NRG3: variants seen among roughly 807,000 people sequenced by gnomAD.
The protein encoded by NRG3 is pro-neuregulin-3, membrane-bound isoform.
A neutral mutation model predicts 66.9 loss-of-function variants in NRG3; 31 were observed. The ratio of observed to expected loss-of-function variants is 0.46; its 90% CI spans 0.35 to 0.63. The LOEUF (loss-of-function observed/expected upper bound fraction) is 0.63. Ranked by LOEUF, NRG3 falls within the 20% of genes least tolerant of loss-of-function variation. NRG3 has a pLI of 0.00. For synonymous variants in NRG3, 393 were observed against 359.4 expected, an observed-to-expected ratio of 1.09 and a Z score of -1.06; for missense variants, 910 against 878.9, an observed-to-expected ratio of 1.04 and a Z score of -0.45.
intron 2 of NRG3, among the ~76,000 whole-genome samples, chr10:82,389,544 GCTATT>G (rs2086218173): frequency 6.6e-6 from 1 of 152,120 alleles, no homozygotes; most frequent in African/African-American, 2.4e-5. Flanking sequence ...CGGCCAGCTA[GCTATT>G]CTTAACAGGA....
chr10:82,421,480 TA>T (rs2089068430), intron 2 of NRG3, among the ~76,000 whole-genome samples: 1 of 152,008 alleles, frequency 6.6e-6, no homozygotes, highest in Non-Finnish European at 1.5e-5. Flanking sequence ...GAAAAATTAT[TA>T]AAGACTTTGC....
At chr10:82,146,937 C>T (rs1022013945) in intron 1 of NRG3, among the ~76,000 whole-genome samples, 2 of 152,084 alleles carry the variant, frequency 1.3e-5, no homozygotes, top group African/African-American at 4.8e-5. Context: ...GTCCAGCCAG[C>T]TATAAAAGGA....
At chr10:82,591,307 T>A (rs1163378397) in intron 2 of NRG3, among the ~76,000 whole-genome samples, 1 of 152,224 alleles carries the variant, frequency 6.6e-6, no homozygotes, top group Non-Finnish European at 1.5e-5. Context: ...AAATTGATAT[T>A]TTCATGAATG....
intron 1 of NRG3, among the ~76,000 whole-genome samples, chr10:82,067,806 C>G (rs2064572283): frequency 2.0e-5 from 3 of 152,300 alleles, no homozygotes; most frequent in South Asian, 4.1e-4. Flanking sequence ...TCTTAATGCT[C>G]TCAAAGCAAT....
chr10:82,845,362 T>C (rs2063260380), intron 3 of NRG3, among the ~76,000 whole-genome samples: 1 of 152,216 alleles, frequency 6.6e-6, no homozygotes. Flanking sequence ...ATGTTATCCC[T>C]ACTCAATAAG....
At chr10:82,360,891 T>G (rs996270181) in intron 2 of NRG3, among the ~76,000 whole-genome samples, 1 of 152,200 alleles carries the variant, frequency 6.6e-6, no homozygotes, top group Non-Finnish European at 1.5e-5. Context: ...CAAGGAGATG[T>G]ATCTTCTCAT....
At chr10:82,851,502 G>A (rs1186418719) in intron 3 of NRG3, among the ~76,000 whole-genome samples, 1 of 152,136 alleles carries the variant, frequency 6.6e-6, no homozygotes, top group African/African-American at 2.4e-5. Context: ...AAAATCTTTA[G>A]TGTATTAATC....
At chr10:82,951,623 TG>T in intron 5 of NRG3, 52 bp downstream of exon 5, 1 of 1,484,628 alleles carries the variant, frequency 6.7e-7, no homozygotes, top group Non-Finnish European at 9.4e-7. Context: ...GAAAGCGCTT[TG>T]TGTTACTTTA....
At chr10:82,363,167 A>G (rs1482994844) in intron 2 of NRG3, among the ~76,000 whole-genome samples, 1 of 152,212 alleles carries the variant, frequency 6.6e-6, no homozygotes, top group East Asian at 1.9e-4. Flanking sequence ...ATTAAAATAA[A>G]AGCTCAATAG....
At chr10:82,550,167 A>G (rs933350710) in intron 2 of NRG3, among the ~76,000 whole-genome samples, 1 of 152,210 alleles carries the variant, frequency 6.6e-6, no homozygotes, top group African/African-American at 2.4e-5. Context: ...AGCTCTAAAA[A>G]TATTCCGTTT....
intron 1 of NRG3, among the ~76,000 whole-genome samples, chr10:82,211,048 T>C (rs2075369958): frequency 6.6e-6 from 1 of 152,130 alleles, no homozygotes; most frequent in Non-Finnish European, 1.5e-5. Context: ...GCCATAAATA[T>C]GGAACTTGAT....
At chr10:81,945,723 A>G (rs1196137014) in intron 1 of NRG3, among the ~76,000 whole-genome samples, 1 of 152,154 alleles carries the variant, frequency 6.6e-6, no homozygotes, top group Non-Finnish European at 1.5e-5. Flanking sequence ...ATGTGACTTT[A>G]TTTGGAAATA....
At chr10:82,014,860 A>G (rs1382320813) in intron 1 of NRG3, among the ~76,000 whole-genome samples, 1 of 152,132 alleles carries the variant, frequency 6.6e-6, no homozygotes. Context: ...AGGAATGGAG[A>G]GCCCTTAGAC....
At chr10:82,839,880 A>G (rs2062971051) in intron 3 of NRG3, among the ~76,000 whole-genome samples, 1 of 152,128 alleles carries the variant, frequency 6.6e-6, no homozygotes, top group East Asian at 1.9e-4. Context: ...GCTGATTTAT[A>G]TCTATCTATA....
rs113192358 is a variant in NRG3 at position 81,975,959 on chromosome 10, G to A, written c.823+99796G>A. ...GGCTATAAGCTGAGAAACAGAGGAG[G>A]CCTCTAGAGCTGGAAAGGACAAGGA... On this transcript the variant is annotated intron_variant, in intron 1 of 8. Transcript: ENST00000372141. Among the ~76,000 whole-genome samples the A allele has an allele frequency of 5.0e-3, 759 of 152,198 alleles. 4 individuals are homozygous for A. Among genetic ancestry groups the A allele is most frequent in the African/African-American group, 0.017 (707 of 41,520 alleles).
intron 1 of NRG3, among the ~76,000 whole-genome samples, chr10:82,191,967 A>C (rs112593379): frequency 6.6e-6 from 1 of 152,230 alleles, no homozygotes; most frequent in African/African-American, 2.4e-5. Context: ...CTTTCCTTTC[A>C]TTCTCTCTTT....
intron 1 of NRG3, among the ~76,000 whole-genome samples, chr10:82,119,068 G>A (rs559508250): frequency 8.5e-4 from 129 of 152,270 alleles, no homozygotes; most frequent in Non-Finnish European, 1.6e-3. Context: ...GGTACAAAGT[G>A]ATGTTTGATT....
chr10:81,960,993 C>T (rs757946299), intron 1 of NRG3, among the ~76,000 whole-genome samples: 2 of 152,112 alleles, frequency 1.3e-5, no homozygotes, highest in Non-Finnish European at 2.9e-5. Context: ...TGTTTTCTGG[C>T]TGTGCTAAAG....
At chr10:82,263,520 A>G (rs988349542) in intron 1 of NRG3, among the ~76,000 whole-genome samples, 12 of 152,158 alleles carry the variant, frequency 7.9e-5, no homozygotes, top group African/African-American at 2.9e-4. Context: ...GAACTGATAT[A>G]GTAAAAATGT....
Sources: gnomAD v4.1 joint callset for allele counts (sites outside exome capture counted in the v4.1 genomes callset) on GRCh38, gnomAD v4.1.1 for gene constraint, MANE v1.5 for transcripts, NCBI Gene and HGNC (gene_info 2026-07-23, HGNC 2026-07-21) for gene names.